Variants in JPH3 observed in about 807,000 individuals in gnomAD.
The protein encoded by JPH3 is junctophilin-3.
Under a neutral mutation model 59.6 loss-of-function variants are expected in JPH3, and 11 were observed. That is an observed-to-expected ratio of 0.18 (90% CI 0.12 to 0.31). The LOEUF (loss-of-function observed/expected upper bound fraction) is 0.31. Among genes scored for constraint, JPH3 ranks in the 10% least tolerant of loss-of-function variants. The pLI is 1.00. For missense variants in JPH3, 1,202 were observed against 1,105.7 expected, an observed-to-expected ratio of 1.09 and a Z score of -1.24; for synonymous variants, 673 against 483.6, an observed-to-expected ratio of 1.39 and a Z score of -5.14.
chr16:87,653,110 C>T (rs1224142198), intron 2 of JPH3, among the ~76,000 whole-genome samples: 2 of 152,192 alleles, frequency 1.3e-5, no homozygotes, highest in Non-Finnish European at 2.9e-5. Context: ...TGCTCTCAGT[C>T]CTGTTCCTCC....
intron 4 of JPH3, chr16:87,693,491 G>A (rs977394711): frequency 2.0e-5 from 3 of 152,304 alleles, no homozygotes; most frequent in Non-Finnish European, 2.9e-5. Context: ...CTGGCCACCA[G>A]GGTGAAATCC....
chr16:87,631,173 C>T (rs1309517051), intron 1 of JPH3, among the ~76,000 whole-genome samples: 2 of 152,158 alleles, frequency 1.3e-5, no homozygotes, highest in African/African-American at 2.4e-5. Context: ...GATTGATTGC[C>T]TTCTTCCCAA....
intron 2 of JPH3, among the ~76,000 whole-genome samples, chr16:87,647,970 G>C (rs1367082747): frequency 6.6e-6 from 1 of 152,222 alleles, no homozygotes; most frequent in Non-Finnish European, 1.5e-5. Context: ...TCTGGGCTGG[G>C]TTCCCTGCTG....
At position 87,691,156 on chromosome 16, in the gene JPH3, C is replaced by CT. The variant is rs1476986386; in HGVS notation, c.2166+631dup. Among the ~76,000 whole-genome samples the CT allele has an allele frequency of 5.9e-5, 9 of 151,730 alleles. No homozygotes were observed. The East Asian group carries it at 1.8e-3, about 30-fold the overall frequency. On this transcript the variant is annotated intron_variant, in intron 4 of 4. Coordinates refer to ENST00000284262, the MANE Select transcript of JPH3 (RefSeq NM_020655.4). Reference sequence around the variant, plus strand: ...AAGAACAGCGTCCCCCTGGGCTAGACTCGGCGCGAGGCTGGGGGTCCCAGG... The same window carrying CT: ...AAGAACAGCGTCCCCCTGGGCTAGACTTCGGCGCGAGGCTGGGGGTCCCAGG...
Position 87,644,721 on chromosome 16 carries a change from C to T in JPH3, c.846C>T (p.Ala282=), listed in dbSNP as rs760635261. The change falls in exon 2 of 5, where the codon GCC becomes GCT. Residue 282 remains alanine (A), a synonymous_variant. Coordinates refer to ENST00000284262, the MANE Select transcript of JPH3 (RefSeq NM_020655.4). ...CGGTCATCGAGGACGACATCGACGC[C>T]ACCACCACCGAGACCTACGTGGGCG... is the stretch of plus-strand genomic sequence containing the variant. The part of the protein sequence containing the change: ...ELAVIEDDID[A]TTTETYVGEW... 4.4e-6 allele frequency: 7 copies of T among 1,605,158 alleles called. No homozygotes were observed. The highest frequency in any genetic ancestry group is 1.1e-5 in the South Asian group (1 of 90,586).
chr16:87,670,242 C>A (rs2150865859), intron 2 of JPH3, among the ~76,000 whole-genome samples: 1 of 152,316 alleles, frequency 6.6e-6, no homozygotes, highest in Middle Eastern at 3.4e-3. Flanking sequence ...CAGCCACCAG[C>A]ATTGCTGGAA....
Position 87,684,180 on chromosome 16 carries a change from C to G in JPH3, c.1199C>G (p.Thr400Arg). 1 of 1,613,912 alleles carries G rather than the reference C, an allele frequency of 6.2e-7. No homozygotes were observed. Among genetic ancestry groups the G allele is most frequent in the South Asian group, 1.1e-5 (1 of 91,082 alleles). ...HSRAKAEAAL[T>R]AAQKAQEEAR... ...CGGGCAAAGGCCGAGGCAGCCCTCA[C>G]AGCAGCTCAGAAAGCCCAGGAGGAG... Residue 400 changes from threonine to arginine, a missense_variant, in exon 3 of 5, where the codon ACA (threonine) becomes AGA (arginine). Coordinates refer to ENST00000284262, the MANE Select transcript of JPH3 (RefSeq NM_020655.4).
chr16:87,604,854 G>C, intron 1 of JPH3: 1 of 392,584 alleles, frequency 2.5e-6, no homozygotes, highest in Non-Finnish European at 5.0e-6. Flanking sequence ...GCCCAGCCCC[G>C]GTCTCAGGCG....
intron 1 of JPH3, among the ~76,000 whole-genome samples, chr16:87,628,662 C>G (rs556061863): frequency 1.3e-5 from 2 of 152,314 alleles, no homozygotes; most frequent in African/African-American, 4.8e-5. Flanking sequence ...ATGCTAATGT[C>G]TCCCTCGCGG....
At position 87,685,142 on chromosome 16, in the gene JPH3, C is replaced by T. The variant is rs548506032; in HGVS notation, c.1285+876C>T. On this transcript the variant is annotated intron_variant, in intron 3 of 4. Transcript: ENST00000284262. ...GATGAGGAGCCCAGCCTGGGGGCTGCGGGGCTGGGCGCTCCCCTGACTGGA... is the reference window on the plus strand; with the variant it reads ...GATGAGGAGCCCAGCCTGGGGGCTGTGGGGCTGGGCGCTCCCCTGACTGGA... 4.6e-5 allele frequency among the ~76,000 whole-genome samples: 7 copies of T among 152,300 alleles called. No homozygotes were observed. In the South Asian group the frequency reaches 1.2e-3, roughly 27 times the overall value.
intron 2 of JPH3, among the ~76,000 whole-genome samples, chr16:87,648,237 T>C (rs938692123): frequency 3.4e-5 from 5 of 147,860 alleles, no homozygotes; most frequent in African/African-American, 1.3e-4. Context: ...ACTTAGAATT[T>C]GGGGAAAAAA....
At chr16:87,647,613 T>C (rs1336768575) in intron 2 of JPH3, among the ~76,000 whole-genome samples, 1 of 152,148 alleles carries the variant, frequency 6.6e-6, no homozygotes, top group African/African-American at 2.4e-5. Flanking sequence ...TGCTTCCGCA[T>C]GCGCACAACT....
chr16:87,652,436 G>A (rs1250868404), intron 2 of JPH3, among the ~76,000 whole-genome samples: 2 of 152,216 alleles, frequency 1.3e-5, no homozygotes, highest in African/African-American at 2.4e-5. Flanking sequence ...GCTATAGCAC[G>A]CTTAATAGAC....
intron 2 of JPH3, among the ~76,000 whole-genome samples, chr16:87,681,020 A>T (rs1005046439): frequency 2.0e-5 from 3 of 152,164 alleles, no homozygotes; most frequent in African/African-American, 7.2e-5. Context: ...CGGGGAAGTG[A>T]AAGACCCCGT....
rs866010046 is a variant in JPH3 at position 87,696,987 on chromosome 16, G to C, written c.*327G>C. ...TGGTAACAGCGGACGTTGTCCTCGTGGTCACACGTCCCGTCTTGGGTGTGG... is the reference window on the plus strand; with the variant it reads ...TGGTAACAGCGGACGTTGTCCTCGTCGTCACACGTCCCGTCTTGGGTGTGG... On this transcript the variant is annotated 3_prime_UTR_variant, in exon 5 of 5. Coordinates refer to ENST00000284262, the MANE Select transcript of JPH3 (RefSeq NM_020655.4). 6 of 353,850 alleles carry C rather than the reference G, an allele frequency of 1.7e-5. No homozygotes were observed. Among genetic ancestry groups the C allele is most frequent in the South Asian group, 1.5e-4 (6 of 39,204 alleles). 21.9% of individuals were successfully genotyped at this position (353,850 alleles called of 1,614,324 possible). A position where few individuals can be genotyped will look rare whatever the true frequency, so the allele number is the denominator to read the frequency against.
intron 1 of JPH3, among the ~76,000 whole-genome samples, chr16:87,633,452 A>AT (rs1491195844): frequency 6.6e-6 from 1 of 151,680 alleles, no homozygotes; most frequent in Admixed American, 6.6e-5. Context: ...TCCGGCAGAC[A>AT]TAACTATTCA....
chr16:87,683,916 T>C (rs2150874683), intron 2 of JPH3: 2 of 538,162 alleles, frequency 3.7e-6, no homozygotes, highest in East Asian at 6.5e-5. Context: ...CAGAGGTGTT[T>C]TCAAGCATGT....
intron 4 of JPH3, among the ~76,000 whole-genome samples, chr16:87,693,357 T>C (rs1597299211): frequency 6.6e-6 from 1 of 152,246 alleles, no homozygotes; most frequent in Non-Finnish European, 1.5e-5. Flanking sequence ...GTTCAGCTTA[T>C]CTGTTGAGCA....
intron 2 of JPH3, among the ~76,000 whole-genome samples, chr16:87,645,643 A>G (rs1246380704): frequency 6.6e-6 from 1 of 152,192 alleles, no homozygotes; most frequent in Non-Finnish European, 1.5e-5. Context: ...TGGGGCCTCT[A>G]GGCCCTAAGG....
Sources: gnomAD v4.1 joint callset for allele counts (sites outside exome capture counted in the v4.1 genomes callset) on GRCh38, gnomAD v4.1.1 for gene constraint, MANE v1.5 for transcripts, NCBI Gene and HGNC (gene_info 2026-07-23, HGNC 2026-07-21) for gene names.